Variants in LOC400499 observed in about 807,000 individuals in gnomAD.
At chr16:11,504,552 TCCC>T in the LOC400499 span, among the ~76,000 whole-genome samples, 5,316 of 142,990 alleles carry the variant, frequency 0.037, 131 homozygotes, top group Non-Finnish European at 0.053. Flanking sequence ...CGAGACTCCG[TCCC>T]CCCCCCCAAA....
At chr16:11,422,876 A>C in the LOC400499 span, among the ~76,000 whole-genome samples, 878 of 152,310 alleles carry the variant, frequency 5.8e-3, 19 homozygotes, top group Admixed American at 0.052. Context: ...CCGCCAGCCC[A>C]GCTGCCCATG....
At chr16:11,477,957 G>C in the LOC400499 span, 2 of 398,990 alleles carry the variant, frequency 5.0e-6, no homozygotes, top group South Asian at 2.5e-4. Flanking sequence ...GGAAAGACCA[G>C]TTCCTGTGCG....
chr16:11,510,376 G>A, the LOC400499 span, among the ~76,000 whole-genome samples: 1 of 151,776 alleles, frequency 6.6e-6, no homozygotes. Flanking sequence ...ACACACAGAG[G>A]TCGTGCCTGC....
At chr16:11,486,421 T>C in the LOC400499 span, among the ~76,000 whole-genome samples, 1 of 129,382 alleles carries the variant, frequency 7.7e-6, no homozygotes, top group Admixed American at 7.6e-5. Context: ...GATGGATGGA[T>C]GGATGGATGG....
chr16:11,502,132 C>T, the LOC400499 span: 1 of 399,158 alleles, frequency 2.5e-6, no homozygotes, highest in Non-Finnish European at 4.4e-6. Flanking sequence ...AGCTCACCCC[C>T]AGAAAGGCCC....
chr16:11,411,037 G>T, the LOC400499 span, among the ~76,000 whole-genome samples: 58,014 of 152,250 alleles, frequency 0.38, 11,843 homozygotes, highest in African/African-American at 0.53. Context: ...AGCCTGACTG[G>T]GGGCCACGGG....
the LOC400499 span, among the ~76,000 whole-genome samples, chr16:11,419,512 A>C: frequency 2.3e-4 from 35 of 152,320 alleles, no homozygotes; most frequent in Admixed American, 2.3e-3. Context: ...AAGAAAACCT[A>C]GGCATTACCA....
At chr16:11,420,843 C>G in the LOC400499 span, among the ~76,000 whole-genome samples, 1 of 152,176 alleles carries the variant, frequency 6.6e-6, no homozygotes, top group Non-Finnish European at 1.5e-5. Flanking sequence ...ACGCCCTCCC[C>G]GATTATGCCT....
At chr16:11,410,283 G>C in the LOC400499 span, among the ~76,000 whole-genome samples, 3 of 152,112 alleles carry the variant, frequency 2.0e-5, no homozygotes, top group Non-Finnish European at 4.4e-5. Flanking sequence ...GTGAAACCCT[G>C]TCTCTACCAA....
At chr16:11,469,026 G>A in the LOC400499 span, 6 of 396,814 alleles carry the variant, frequency 1.5e-5, no homozygotes, top group African/African-American at 1.2e-4. Context: ...ACATTTCTGG[G>A]TAATAGAACT....
the LOC400499 span, chr16:11,424,159 G>C: frequency 4.8e-5 from 19 of 399,390 alleles, no homozygotes; most frequent in Non-Finnish European, 7.9e-5. Flanking sequence ...CAGTGCTTGA[G>C]GCTGGGCATG....
chr16:11,378,276 A>AG, the LOC400499 span, among the ~76,000 whole-genome samples: 31,449 of 79,290 alleles, frequency 0.4, 8,046 homozygotes, highest in Non-Finnish European at 0.48. Flanking sequence ...TGCCGGGGGG[A>AG]GGGGGGAGGT....
chr16:11,520,816 T>G, the LOC400499 span, among the ~76,000 whole-genome samples: 6 of 152,152 alleles, frequency 3.9e-5, no homozygotes, highest in African/African-American at 1.4e-4. Flanking sequence ...GTTTTGAAGA[T>G]TTGTGATTTT....
chr16:11,373,441 C>A, the LOC400499 span, among the ~76,000 whole-genome samples: 1 of 152,262 alleles, frequency 6.6e-6, no homozygotes, highest in East Asian at 1.9e-4. Flanking sequence ...TCAAGCGATT[C>A]TCCTGCGTCA....
chr16:11,379,020 T>A, the LOC400499 span, among the ~76,000 whole-genome samples: 1 of 152,198 alleles, frequency 6.6e-6, no homozygotes, highest in East Asian at 1.9e-4. Flanking sequence ...CCCCAGCACT[T>A]TAGGAGGCCA....
chr16:11,384,224 C>T, the LOC400499 span: 1 of 1,231,984 alleles, frequency 8.1e-7, no homozygotes, highest in Non-Finnish European at 1.0e-6. Flanking sequence ...ACCTGCCAGG[C>T]CAGGCTGAGC....
chr16:11,441,183 T>C, the LOC400499 span: 8 of 397,644 alleles, frequency 2.0e-5, no homozygotes, highest in South Asian at 1.4e-4. Flanking sequence ...AGTCCAAAGA[T>C]TGATGGGTTA....
the LOC400499 span, among the ~76,000 whole-genome samples, chr16:11,429,160 G>T: frequency 6.6e-6 from 1 of 152,180 alleles, no homozygotes; most frequent in Non-Finnish European, 1.5e-5. Context: ...GGCCTGGTGG[G>T]AGGTGACTGG....
chr16:11,476,117 G>A, the LOC400499 span, among the ~76,000 whole-genome samples: 2 of 151,558 alleles, frequency 1.3e-5, no homozygotes, highest in Non-Finnish European at 2.9e-5. Flanking sequence ...GCTGCTTTAG[G>A]AGCATGGAAA....
Sources: gnomAD v4.1 joint callset for allele counts (sites outside exome capture counted in the v4.1 genomes callset) on GRCh38, gnomAD v4.1.1 for gene constraint, MANE v1.5 for transcripts.